Variants in GDAP1L1 observed in about 807,000 individuals in gnomAD.
The protein encoded by GDAP1L1 is ganglioside-induced differentiation-associated protein 1-like 1.
In GDAP1L1, 21 loss-of-function variants were observed where a neutral mutation model predicts 37.1. The ratio of observed to expected loss-of-function variants is 0.57; its 90% CI spans 0.40 to 0.81. GDAP1L1 has a LOEUF of 0.81. GDAP1L1 is among the 40% of genes least tolerant of loss of function. The pLI, the probability that GDAP1L1 is intolerant of heterozygous loss-of-function variation, is 0.00. For synonymous variants in GDAP1L1, 193 were observed against 209.1 expected, an observed-to-expected ratio of 0.92 and a Z score of 0.67; for missense variants, 362 against 491.6, an observed-to-expected ratio of 0.74 and a Z score of 2.49.
chr20:44,256,959 C>T (rs564266326), intron 1 of GDAP1L1, among the ~76,000 whole-genome samples, 194 bp from the exon 2 acceptor site: 13 of 152,174 alleles, frequency 8.5e-5, no homozygotes, highest in Non-Finnish European at 1.9e-4. Flanking sequence ...AGCAGAACTG[C>T]GCTCCTCCCT....
rs2146073707 is a variant in GDAP1L1, at chr20:44,280,074, G to A, written c.*774G>A. 3.0e-6 allele frequency: 1 copy of A among 330,094 alleles called. No homozygotes were observed. Among genetic ancestry groups the A allele is most frequent in the Non-Finnish European group, 5.9e-6 (1 of 168,140 alleles). The allele number at this position is 330,094 out of a possible 1,614,324, so 20.4% of individuals were successfully genotyped here. A position where few individuals can be genotyped will look rare whatever the true frequency, so the allele number is the denominator to read the frequency against. ...TAAAAGCCATGTTGACCCTCTCTCA[G>A]AAGGTCAGTCCAGCCCAAGTGCAGG... is the stretch of plus-strand genomic sequence containing the variant. On this transcript the variant is annotated 3_prime_UTR_variant, in exon 6 of 6. Transcript: ENST00000342560.
At chr20:44,263,162 T>C in intron 3 of GDAP1L1, 68 bp from the exon 4 acceptor site, 1 of 1,186,130 alleles carries the variant, frequency 8.4e-7, no homozygotes, top group Non-Finnish European at 1.3e-6. Flanking sequence ...CTTCAAGTTG[T>C]GTAAGGCAGG....
upstream of GDAP1L1, chr20:44,247,211 T>G: frequency 1.0e-6 from 1 of 962,002 alleles, no homozygotes; most frequent in Non-Finnish European, 1.6e-6. Flanking sequence ...CGGTGAGTAA[T>G]GACATTCACG....
At chr20:44,270,164 ATTTTT>A (rs397756226) in intron 5 of GDAP1L1, among the ~76,000 whole-genome samples, 1 of 100,594 alleles carries the variant, frequency 9.9e-6, no homozygotes. Context: ...AGTGTCTTAA[ATTTTT>A]TTTTTTTTTT....
chr20:44,251,184 T>A (rs2073434444), intron 1 of GDAP1L1, among the ~76,000 whole-genome samples: 1 of 152,218 alleles, frequency 6.6e-6, no homozygotes, highest in Non-Finnish European at 1.5e-5. Flanking sequence ...TCATAGGGAT[T>A]AAGATCTAAT....
At chr20:44,270,148 A>G (rs1295284227) in intron 5 of GDAP1L1, among the ~76,000 whole-genome samples, 1 of 151,608 alleles carries the variant, frequency 6.6e-6, no homozygotes, top group Non-Finnish European at 1.5e-5. Context: ...AACTGCTGTC[A>G]ACCTCAGTGT....
At chr20:44,249,002 C>T (rs372574529) in intron 1 of GDAP1L1, among the ~76,000 whole-genome samples, 140 of 151,030 alleles carry the variant, frequency 9.3e-4, no homozygotes, top group African/African-American at 3.1e-3. Flanking sequence ...CAGTGCCTGG[C>T]GAGAGGTCAA....
rs2073570809 is a variant in GDAP1L1, at chr20:44,257,203, G to A, written c.231G>A (p.Val77=). Residue 77 remains valine, a synonymous_variant, in exon 2 of 6, where the codon GTG becomes GTA. Transcript: ENST00000342560. ...GCCTGGTGTGCGAGGAGCGGGACGT[G>A]AGCCTGCCACAGAGCGAGCACAAGG... is the stretch of plus-strand genomic sequence containing the variant. The part of the protein sequence containing the change: ...EKGLVCEERD[V]SLPQSEHKEP... 1 of 1,610,238 alleles carries A rather than the reference G, an allele frequency of 6.2e-7. No homozygotes were observed. Among genetic ancestry groups the A allele is most frequent in the Non-Finnish European group, 8.5e-7 (1 of 1,178,724 alleles).
chr20:44,278,227 G>C (rs1018809270), intron 5 of GDAP1L1, among the ~76,000 whole-genome samples: 1 of 151,868 alleles, frequency 6.6e-6, no homozygotes, highest in Non-Finnish European at 1.5e-5. Flanking sequence ...CGGAGCAACT[G>C]CAAGGGTGGA....
chr20:44,251,927 G>T lies in GDAP1L1; in HGVS notation c.180+4413G>T, dbSNP rs6031475. Among the ~76,000 whole-genome samples the T allele has an allele frequency of 5.0e-3, 755 of 152,282 alleles. 4 individuals are homozygous for T. Among genetic ancestry groups the T allele is most frequent in the African/African-American group, 0.017 (705 of 41,542 alleles). The stretch of plus-strand genomic sequence containing the variant: ...TTAACCCCTTATATAACACGGTCTG[G>T]TGGCCGGTCTCATAACAACTGTCAT... On this transcript the variant is annotated intron_variant, in intron 1 of 5. Coordinates refer to ENST00000342560, the MANE Select transcript of GDAP1L1 (RefSeq NM_024034.6).
chr20:44,247,152 G>A, upstream of GDAP1L1: 1 of 636,084 alleles, frequency 1.6e-6, no homozygotes, highest in South Asian at 1.9e-5. Context: ...GCCAGGGGGA[G>A]GAGGAGAAAG....
chr20:44,255,336 G>A (rs2073517429), intron 1 of GDAP1L1, among the ~76,000 whole-genome samples: 1 of 151,952 alleles, frequency 6.6e-6, no homozygotes, highest in African/African-American at 2.4e-5. Context: ...GAGGTCAGGA[G>A]TTCAAGACCA....
At chr20:44,276,629 A>T (rs1030514749) in intron 5 of GDAP1L1, among the ~76,000 whole-genome samples, 2 of 152,130 alleles carry the variant, frequency 1.3e-5, no homozygotes, top group Admixed American at 1.3e-4. Context: ...TTTATAGTGA[A>T]TCATTTAATA....
At chr20:44,273,639 T>A (rs1172732181) in intron 5 of GDAP1L1, among the ~76,000 whole-genome samples, 2 of 152,216 alleles carry the variant, frequency 1.3e-5, no homozygotes, top group South Asian at 2.1e-4. Context: ...TGAAGCTATA[T>A]GTGGCTGGAG....
At chr20:44,260,879 C>A (rs751940320) in intron 3 of GDAP1L1, among the ~76,000 whole-genome samples, 10 of 152,154 alleles carry the variant, frequency 6.6e-5, no homozygotes, top group Non-Finnish European at 1.5e-4. Flanking sequence ...TGGGAAGTGA[C>A]GTGGTCAGAT....
chr20:44,279,838 A>C lies in GDAP1L1; in HGVS notation c.*538A>C. On this transcript the variant is annotated 3_prime_UTR_variant, in exon 6 of 6. Transcript: ENST00000342560. ...GTCCCTGAAGATCAGAAGGGGCTTC[A>C]CGCTTCTCCTGGACATGGACTAGCT... The C allele has an allele frequency of 4.3e-6, 2 of 468,470 alleles. No individual in the cohort carries two copies. Among genetic ancestry groups the C allele is most frequent in the Non-Finnish European group, 8.9e-6 (2 of 225,988 alleles). The allele number at this position is 468,470 out of a possible 1,614,324, so 29.0% of individuals were successfully genotyped here.
intron 5 of GDAP1L1, 172 bp downstream of exon 5, chr20:44,264,731 C>A: frequency 7.3e-7 from 1 of 1,373,260 alleles, no homozygotes; most frequent in Non-Finnish European, 9.8e-7. Flanking sequence ...CACTTCCTAG[C>A]TTAGTAAATG....
At chr20:44,268,202 T>G (rs980953373) in intron 5 of GDAP1L1, among the ~76,000 whole-genome samples, 1 of 152,258 alleles carries the variant, frequency 6.6e-6, no homozygotes, top group Non-Finnish European at 1.5e-5. Flanking sequence ...TGATGCAGAT[T>G]CCTGATCAAC....
rs569228974 is a variant in GDAP1L1 at position 44,269,863 on chromosome 20, G to A, written c.760+5304G>A. On this transcript the variant is annotated intron_variant, in intron 5 of 5. Transcript: ENST00000342560. ...GGCGAATGGCTTGAACCTGGGAGGC[G>A]GAGGTTGCAGTGAGCCAAGATTGTG... 7.9e-5 allele frequency among the ~76,000 whole-genome samples: 12 copies of A among 152,258 alleles called. No individual in the cohort carries two copies. The South Asian group carries it at 1.2e-3, about 16-fold the overall frequency.
Sources: gnomAD v4.1 joint callset for allele counts (sites outside exome capture counted in the v4.1 genomes callset) on GRCh38, gnomAD v4.1.1 for gene constraint, MANE v1.5 for transcripts, NCBI Gene and HGNC (gene_info 2026-07-23, HGNC 2026-07-21) for gene names.